MGAT5: variants seen among roughly 807,000 people sequenced by gnomAD.
The protein encoded by MGAT5 is alpha-1,6-mannosylglycoprotein 6-beta-N-acetylglucosaminyltransferase, also known as alpha-1,6-mannosylglycoprotein 6-beta-N-acetylglucosaminyltransferase A.
A neutral mutation model predicts 94.3 loss-of-function variants in MGAT5; 30 were observed. That is an observed-to-expected ratio of 0.32 (90% CI 0.24 to 0.43). The LOEUF (loss-of-function observed/expected upper bound fraction) is 0.43, where lower values mean the gene tolerates loss of function less well. MGAT5 is among the 20% of genes least tolerant of loss of function. MGAT5 has a pLI of 1.00. For missense variants in MGAT5, 691 were observed against 905.5 expected, an observed-to-expected ratio of 0.76 and a Z score of 3.04; for synonymous variants, 310 against 322.9, an observed-to-expected ratio of 0.96 and a Z score of 0.43.
intron 1 of MGAT5, among the ~76,000 whole-genome samples, chr2:134,124,013 A>T (rs1350134710): frequency 1.3e-5 from 2 of 152,216 alleles, no homozygotes; most frequent in African/African-American, 4.8e-5. Flanking sequence ...CCATATCCCT[A>T]TACTGTTTTA....
chr2:134,393,731 AGT>A (rs1682547656), intron 10 of MGAT5, among the ~76,000 whole-genome samples: 1 of 152,302 alleles, frequency 6.6e-6, no homozygotes, highest in African/African-American at 2.4e-5. Flanking sequence ...TTAAGCACTG[AGT>A]GAAATTGTTT....
At position 134,263,827 on chromosome 2, in the gene MGAT5, G is replaced by A. The variant is rs185229050; in HGVS notation, c.242-6559G>A. 2.1e-3 allele frequency among the ~76,000 whole-genome samples: 323 copies of A among 151,752 alleles called. 1 individual carries two copies. The highest frequency in any genetic ancestry group is 4.2e-3 in the Non-Finnish European group (283 of 67,966). ...TTTTATGTAAAATTAAAGCATATGAGGAAGTATGGAGAAGAATAAAGAATA... is the reference window on the plus strand; with the variant it reads ...TTTTATGTAAAATTAAAGCATATGAAGAAGTATGGAGAAGAATAAAGAATA... On this transcript the variant is annotated intron_variant, in intron 1 of 15. Transcript: ENST00000281923.
At chr2:134,176,936 G>T (rs1032996739) in intron 1 of MGAT5, among the ~76,000 whole-genome samples, 1 of 152,146 alleles carries the variant, frequency 6.6e-6, no homozygotes, top group African/African-American at 2.4e-5. Flanking sequence ...GGTTTAACAG[G>T]TCACTGGTCT....
chr2:134,305,745 A>G (rs1686289209), intron 2 of MGAT5, among the ~76,000 whole-genome samples: 1 of 152,164 alleles, frequency 6.6e-6, no homozygotes, highest in Non-Finnish European at 1.5e-5. Flanking sequence ...TCACTGTTAC[A>G]GTAAGTTATC....
intron 1 of MGAT5, among the ~76,000 whole-genome samples, chr2:134,269,503 C>T (rs1177552942): frequency 6.6e-6 from 1 of 152,212 alleles, no homozygotes; most frequent in African/African-American, 2.4e-5. Context: ...TGCAGTCACC[C>T]ATCTGCTTTT....
intron 1 of MGAT5, among the ~76,000 whole-genome samples, chr2:134,238,872 G>A (rs924735557): frequency 6.6e-6 from 1 of 152,148 alleles, no homozygotes; most frequent in Admixed American, 6.5e-5. Context: ...GAACCCAGGA[G>A]GTGGAGGTTG....
chr2:134,198,007 G>A (rs55924807), intron 1 of MGAT5, among the ~76,000 whole-genome samples: 2,612 of 152,226 alleles, frequency 0.017, 29 homozygotes, highest in Non-Finnish European at 0.028. Flanking sequence ...CAAAATTCCT[G>A]CTCCTATGGA....
chr2:134,384,238 C>T (rs1030477373), intron 10 of MGAT5, among the ~76,000 whole-genome samples: 23 of 147,298 alleles, frequency 1.6e-4, no homozygotes, highest in Non-Finnish European at 3.0e-4. Context: ...AAGTCATCAT[C>T]CTCTCATCCA....
At chr2:134,168,550 G>A (rs72843949) in intron 1 of MGAT5, among the ~76,000 whole-genome samples, 2,833 of 152,298 alleles carry the variant, frequency 0.019, 29 homozygotes, top group Non-Finnish European at 0.026. Flanking sequence ...ACAGTATGGT[G>A]AATTTAGCTG....
chr2:134,152,075 ACCTC>A (rs1687227571), intron 1 of MGAT5, among the ~76,000 whole-genome samples: 1 of 130,572 alleles, frequency 7.7e-6, no homozygotes, highest in Non-Finnish European at 1.6e-5. Context: ...CTGCCATGGG[ACCTC>A]ACTCACTCAT....
chr2:134,164,389 A>G (rs1005344738), intron 1 of MGAT5, among the ~76,000 whole-genome samples: 3 of 152,128 alleles, frequency 2.0e-5, no homozygotes, highest in Admixed American at 6.5e-5. Context: ...ATAAATAGAA[A>G]TGAGACCAAA....
intron 2 of MGAT5, among the ~76,000 whole-genome samples, chr2:134,300,873 C>T (rs1685974128): frequency 6.6e-6 from 1 of 152,132 alleles, no homozygotes; most frequent in Non-Finnish European, 1.5e-5. Context: ...ATTTAAGCAA[C>T]TTAGCTTAAT....
At chr2:134,297,413 C>T (rs1394178485) in intron 2 of MGAT5, among the ~76,000 whole-genome samples, 9 of 151,994 alleles carry the variant, frequency 5.9e-5, no homozygotes, top group Non-Finnish European at 1.5e-5. Context: ...CCAGTAACAC[C>T]CTGTTACCAA....
chr2:134,157,912 T>C (rs962274392), intron 1 of MGAT5, among the ~76,000 whole-genome samples: 2 of 152,182 alleles, frequency 1.3e-5, no homozygotes, highest in African/African-American at 4.8e-5. Context: ...GTGGGTAGCT[T>C]CTATCCACAG....
intron 1 of MGAT5, among the ~76,000 whole-genome samples, chr2:134,216,647 C>G (rs1407209104): frequency 6.6e-6 from 1 of 152,304 alleles, no homozygotes; most frequent in Admixed American, 6.5e-5. Context: ...GATTCATCCT[C>G]GAGCTGTGTT....
At position 134,349,691 on chromosome 2, in the gene MGAT5, C is replaced by G. The variant is rs1034319678; in HGVS notation, c.1113-114C>G. On this transcript the variant is annotated intron_variant, in intron 8 of 15. Transcript: ENST00000281923. ...TCACAATTCTTGTCTGGTCCTGCTT[C>G]TATTTAAAAGGATTTACCTATTTTT... 2.6e-5 allele frequency: 31 copies of G among 1,175,304 alleles called. No individual in the cohort carries two copies. The East Asian group carries it at 7.3e-4, about 28-fold the overall frequency. 72.8% of individuals were successfully genotyped at this position (1,175,304 alleles called of 1,614,324 possible).
intron 4 of MGAT5, among the ~76,000 whole-genome samples, chr2:134,329,748 G>A (rs1331084852): frequency 6.6e-6 from 1 of 151,992 alleles, no homozygotes; most frequent in Non-Finnish European, 1.5e-5. Flanking sequence ...TTGGCTCCTA[G>A]TACATCGCAA....
upstream of MGAT5, among the ~76,000 whole-genome samples, chr2:134,250,260 G>A (rs1573613483): frequency 6.6e-6 from 1 of 152,258 alleles, no homozygotes; most frequent in East Asian, 1.9e-4. Context: ...ATGAAGTCAC[G>A]GCCATGAGCT....
intron 2 of MGAT5, among the ~76,000 whole-genome samples, chr2:134,272,456 G>A (rs1296158594): frequency 7.9e-5 from 12 of 151,642 alleles, no homozygotes; most frequent in Non-Finnish European, 1.8e-4. Flanking sequence ...TGCATCTCTC[G>A]GGTATGTGTG....
Sources: allele counts gnomAD v4.1 joint callset (sites outside exome capture counted in the v4.1 genomes callset), GRCh38; gene constraint gnomAD v4.1.1; transcripts MANE v1.5; gene names NCBI Gene and HGNC (gene_info 2026-07-23, HGNC 2026-07-21).